TF: variants seen among roughly 807,000 people sequenced by gnomAD.
TF encodes the protein transferrin, also known as serotransferrin.
Under a neutral mutation model 82.4 loss-of-function variants are expected in TF, and 55 were observed. The observed-to-expected ratio is 0.67, with a 90% CI of 0.54 to 0.84. The LOEUF is 0.84. Ranked by LOEUF, TF falls within the 40% of genes least tolerant of loss-of-function variation. The probability of loss-of-function intolerance (pLI) is 0.00; values close to 1 mark genes in which losing one functional copy is unlikely to be tolerated. For synonymous variants in TF, 332 were observed against 332.6 expected, an observed-to-expected ratio of 1.00 and a Z score of 0.02; for missense variants, 737 against 868.4, an observed-to-expected ratio of 0.85 and a Z score of 1.90.
At chr3:133,729,091 C>G in the TF span, among the ~76,000 whole-genome samples, 1 of 152,178 alleles carries the variant, frequency 6.6e-6, no homozygotes, top group Non-Finnish European at 1.5e-5. Context: ...AGTTAGGCTG[C>G]TTGGGGGTCA....
the TF span, among the ~76,000 whole-genome samples, chr3:133,669,496 A>G: frequency 1.3e-5 from 2 of 152,160 alleles, no homozygotes; most frequent in Non-Finnish European, 2.9e-5. Context: ...CCTCTTTACA[A>G]TTGGTGGGGT....
At chr3:133,706,645 A>C in the TF span, among the ~76,000 whole-genome samples, 1 of 152,134 alleles carries the variant, frequency 6.6e-6, no homozygotes, top group Non-Finnish European at 1.5e-5. Flanking sequence ...GAATTCCCTG[A>C]GGTGAAAACC....
chr3:133,777,448 GGTAGTGAACTT>G lies in TF; in HGVS notation c.2062+211_2062+221del, dbSNP rs999432592. The stretch of plus-strand genomic sequence containing the variant: ...AGGGGATACAGGCTCAGAGCACTAA[GGTAGTGAACTT>G]ATTGGGTATAGAGAATTCCATCTTA... On this transcript the variant is annotated intron_variant, in intron 16 of 16. Transcript: ENST00000402696. 4.0e-5 allele frequency: 23 copies of G among 574,620 alleles called. No homozygotes were observed. In the South Asian group the frequency reaches 4.6e-4, roughly 11 times the overall value. 35.6% of individuals were successfully genotyped at this position (574,620 alleles called of 1,614,324 possible).
chr3:133,707,546 C>A, the TF span: 1 of 152,056 alleles, frequency 6.6e-6, no homozygotes, highest in Non-Finnish European at 1.5e-5. Context: ...AATTTAGGCT[C>A]CTAGATGATA....
At chr3:133,670,187 C>G in the TF span, among the ~76,000 whole-genome samples, 1 of 152,218 alleles carries the variant, frequency 6.6e-6, no homozygotes, top group Non-Finnish European at 1.5e-5. Context: ...TTGGGCAAGT[C>G]ACTGGTTAAC....
At chr3:133,748,201 T>G in intron 1 of TF, 1 of 626,930 alleles carries the variant, frequency 1.6e-6, no homozygotes, top group Non-Finnish European at 2.9e-6. Context: ...CAGCAGAGGG[T>G]GGTCAGTAGG....
the TF span, among the ~76,000 whole-genome samples, chr3:133,732,577 C>T: frequency 6.6e-6 from 1 of 152,182 alleles, no homozygotes; most frequent in Non-Finnish European, 1.5e-5. Flanking sequence ...AGAAATCTTG[C>T]TGCTGCGCAC....
In TF at chr3:133,775,746, G is replaced by C. The variant is rs1576368433; in HGVS notation, c.1872+129G>C. The C allele has an allele frequency of 1.6e-5, 15 of 924,352 alleles. No individual in the cohort carries two copies. In the East Asian group the frequency reaches 3.6e-4, roughly 22 times the overall value. The allele number at this position is 924,352 out of a possible 1,614,324, so 57.3% of individuals were successfully genotyped here. On this transcript the variant is annotated intron_variant, in intron 15 of 16. Coordinates refer to ENST00000402696, the MANE Select transcript of TF (RefSeq NM_001063.4). Reference sequence around the variant, plus strand: ...TGAAAACTAGAATTCCATGCATTGTGCATTTCATGCCATGCATTGTGGACT... The same window carrying C: ...TGAAAACTAGAATTCCATGCATTGTCCATTTCATGCCATGCATTGTGGACT...
the TF span, chr3:133,701,223 A>T: frequency 6.6e-6 from 1 of 152,218 alleles, no homozygotes; most frequent in Non-Finnish European, 1.5e-5. Flanking sequence ...CTGTGATTAG[A>T]AAGTGGCTTT....
At chr3:133,702,367 G>A in the TF span, among the ~76,000 whole-genome samples, 1 of 151,966 alleles carries the variant, frequency 6.6e-6, no homozygotes, top group Non-Finnish European at 1.5e-5. Flanking sequence ...GTGACATTCC[G>A]GGCTATGGTC....
chr3:133,697,035 A>G, the TF span, among the ~76,000 whole-genome samples: 2 of 152,316 alleles, frequency 1.3e-5, no homozygotes, highest in Admixed American at 6.5e-5. Flanking sequence ...CGCTTTTTAC[A>G]TGGGTCCCAG....
chr3:133,669,927 T>C, the TF span, among the ~76,000 whole-genome samples: 1 of 152,250 alleles, frequency 6.6e-6, no homozygotes, highest in Non-Finnish European at 1.5e-5. Context: ...TCATAGACCC[T>C]ATTTCCTTTC....
chr3:133,702,109 T>C, the TF span: 2 of 152,806 alleles, frequency 1.3e-5, no homozygotes, highest in African/African-American at 4.8e-5. Flanking sequence ...AAGGCTGGGC[T>C]CAGACACTCA....
chr3:133,719,537 C>A, the TF span, among the ~76,000 whole-genome samples: 1 of 152,120 alleles, frequency 6.6e-6, no homozygotes, highest in Non-Finnish European at 1.5e-5. Context: ...TAGTAAAAGT[C>A]AGGTACTGTG....
chr3:133,759,230 C>T lies in TF; in HGVS notation c.1104C>T (p.His368=). 1.9e-6 allele frequency: 3 copies of T among 1,614,106 alleles called. No homozygotes were observed. Among genetic ancestry groups the T allele is most frequent in the Non-Finnish European group, 2.5e-6 (3 of 1,180,026 alleles). ...CKPVKWCALS[H]HERLKCDEWS... ...CTGTGAAGTGGTGTGCGCTGAGCCA[C>T]CACGAGAGGCTCAAGTGTGATGAGT... Residue 368 remains histidine (H), a synonymous_variant, in exon 9 of 17, where the codon CAC becomes CAT. Coordinates refer to ENST00000402696, the MANE Select transcript of TF (RefSeq NM_001063.4).
the TF span, among the ~76,000 whole-genome samples, chr3:133,713,815 C>T: frequency 1.3e-5 from 2 of 152,138 alleles, no homozygotes; most frequent in East Asian, 1.9e-4. Context: ...TCCCCTCTAC[C>T]AGTTTGCAGT....
At chr3:133,725,153 C>G in the TF span, among the ~76,000 whole-genome samples, 1 of 151,984 alleles carries the variant, frequency 6.6e-6, no homozygotes, top group Non-Finnish European at 1.5e-5. Flanking sequence ...TTTTTTGGTT[C>G]CATATGAACT....
chr3:133,747,757 C>A (rs1046322688), intron 1 of TF, among the ~76,000 whole-genome samples: 1 of 152,148 alleles, frequency 6.6e-6, no homozygotes, highest in Non-Finnish European at 1.5e-5. Context: ...CAGAGAGCAA[C>A]AGACAAGAGT....
the TF span, among the ~76,000 whole-genome samples, chr3:133,707,207 C>CAT: frequency 6.6e-6 from 1 of 151,450 alleles, no homozygotes; most frequent in Admixed American, 6.6e-5. Flanking sequence ...CACACACACA[C>CAT]ACACACACAC....
Sources: allele counts gnomAD v4.1 joint callset (sites outside exome capture counted in the v4.1 genomes callset), GRCh38; gene constraint gnomAD v4.1.1; transcripts MANE v1.5; gene names NCBI Gene and HGNC (gene_info 2026-07-23, HGNC 2026-07-21).